TAMM41: variants seen among roughly 807,000 people sequenced by gnomAD.
TAMM41 encodes TAM41 mitochondrial translocator assembly and maintenance homolog.
A neutral mutation model predicts 44.1 loss-of-function variants in TAMM41; 36 were observed. The ratio of observed to expected loss-of-function variants is 0.82; its 90% CI spans 0.63 to 1.08. TAMM41 has a LOEUF of 1.08. TAMM41 is among the 50% of genes least tolerant of loss of function. TAMM41 has a pLI of 0.00. For missense variants in TAMM41, 417 were observed against 404.3 expected (o/e 1.03, Z -0.27); for synonymous variants, 164 against 153.1 (o/e 1.07, Z -0.53).
chr3:11,757,679 A>G, the TAMM41 span, among the ~76,000 whole-genome samples: 1 of 152,208 alleles, frequency 6.6e-6, no homozygotes, highest in African/African-American at 2.4e-5. Context: ...GCAAAATGAC[A>G]ACGCTTTGTA....
At chr3:11,769,162 C>T in the TAMM41 span, among the ~76,000 whole-genome samples, 54 of 152,128 alleles carry the variant, frequency 3.5e-4, no homozygotes, top group Non-Finnish European at 7.2e-4. Context: ...GATCTTGGCT[C>T]ACTGCAACCT....
chr3:11,812,158 C>G (rs1352584956), intron 5 of TAMM41, among the ~76,000 whole-genome samples: 3 of 151,982 alleles, frequency 2.0e-5, no homozygotes, highest in African/African-American at 7.3e-5. Context: ...GAACTCCTGG[C>G]CTCAACTGAT....
chr3:11,808,893 G>T (rs6442289), intron 6 of TAMM41: 84,837 of 153,338 alleles, frequency 0.55, 25,321 homozygotes, highest in East Asian at 0.76. Context: ...AGCTACTTTT[G>T]TAATTTTTGC....
At chr3:11,754,459 G>A in the TAMM41 span, among the ~76,000 whole-genome samples, 3 of 151,850 alleles carry the variant, frequency 2.0e-5, no homozygotes, top group Non-Finnish European at 4.4e-5. Flanking sequence ...CTGCAGCCTC[G>A]ACCTCCTGGA....
chr3:11,773,911 A>G, the TAMM41 span, among the ~76,000 whole-genome samples: 1 of 152,178 alleles, frequency 6.6e-6, no homozygotes, highest in African/African-American at 2.4e-5. Context: ...CAACATGGCG[A>G]AACCTCGTCT....
chr3:11,841,170 C>A (rs534588502), intron 2 of TAMM41, among the ~76,000 whole-genome samples: 126 of 142,776 alleles, frequency 8.8e-4, no homozygotes, highest in African/African-American at 3.2e-3. Context: ...ACAGCCCTAA[C>A]TCCCTGGGCT....
chr3:11,777,455 G>A, the TAMM41 span, among the ~76,000 whole-genome samples: 7 of 152,140 alleles, frequency 4.6e-5, no homozygotes, highest in African/African-American at 9.7e-5. Context: ...TAACAGCTTC[G>A]TTGAGATATA....
In TAMM41 at chr3:11,846,704, G is replaced by A. The variant is rs563362096; in HGVS notation, c.-68C>T. 7 of 1,604,756 alleles carry A rather than the reference G, an allele frequency of 4.4e-6. No individual in the cohort carries two copies. In the African/African-American group the frequency reaches 5.3e-5, roughly 12 times the overall value. ...GACAACCGGGCGGGGAACAGACACC[G>A]GGTAGGCGGTTTAGGGTGGGAAATG... On this transcript the variant is annotated 5_prime_UTR_variant, in exon 1 of 8. Transcript: ENST00000455809.
the TAMM41 span, among the ~76,000 whole-genome samples, chr3:11,732,744 A>G: frequency 6.6e-6 from 1 of 152,154 alleles, no homozygotes; most frequent in South Asian, 2.1e-4. Context: ...GCCACAATCT[A>G]GGGGAAAAAG....
At chr3:11,830,974 A>G (rs997503560) in intron 3 of TAMM41, 2 of 152,038 alleles carry the variant, frequency 1.3e-5, no homozygotes. Flanking sequence ...TCAAATGCCA[A>G]CTCCATCTCT....
chr3:11,803,221 G>A (rs2077804049), intron 7 of TAMM41, among the ~76,000 whole-genome samples: 1 of 152,270 alleles, frequency 6.6e-6, no homozygotes, highest in Admixed American at 6.5e-5. Flanking sequence ...GCTGCGAGCT[G>A]AGATTGCACC....
the TAMM41 span, among the ~76,000 whole-genome samples, chr3:11,747,387 T>G: frequency 8.5e-5 from 13 of 152,270 alleles, no homozygotes; most frequent in East Asian, 5.8e-4. Context: ...TCTAGACTGG[T>G]AGAAATAATT....
At chr3:11,809,924 T>C (rs963797748) in intron 5 of TAMM41, 3 of 369,936 alleles carry the variant, frequency 8.1e-6, no homozygotes, top group Non-Finnish European at 1.4e-5. Flanking sequence ...GAGAAAAGAA[T>C]AGAAGCCACT....
In TAMM41 at chr3:11,816,775, A is replaced by C. The variant is rs549113807; in HGVS notation, c.708+417T>G. The stretch of plus-strand genomic sequence containing the variant: ...GAACAGAGTCAGACCCTGTCCCCCC[A>C]AAAAAAGAAAAAAAAACAACAACAA... On this transcript the variant is annotated intron_variant, in intron 5 of 7. Coordinates refer to ENST00000455809, the MANE Select transcript of TAMM41 (RefSeq NM_001284401.2). 5.6e-3 allele frequency among the ~76,000 whole-genome samples: 852 copies of C among 151,610 alleles called. 5 individuals carry two copies. The highest frequency in any genetic ancestry group is 0.013 in the South Asian group (62 of 4,808).
chr3:11,735,218 C>T, the TAMM41 span, among the ~76,000 whole-genome samples: 1 of 151,614 alleles, frequency 6.6e-6, no homozygotes, highest in Admixed American at 6.6e-5. Flanking sequence ...ATCAGCCAGG[C>T]ATGGTGGTGC....
At chr3:11,822,084 C>T (rs1236183992) in intron 4 of TAMM41, among the ~76,000 whole-genome samples, 1 of 152,140 alleles carries the variant, frequency 6.6e-6, no homozygotes, top group Non-Finnish European at 1.5e-5. Flanking sequence ...TGCAAACATA[C>T]CAAAATCTGA....
chr3:11,812,295 C>G (rs1438448492), intron 5 of TAMM41, among the ~76,000 whole-genome samples: 1 of 152,142 alleles, frequency 6.6e-6, no homozygotes, highest in Non-Finnish European at 1.5e-5. Context: ...TGAGCACCAC[C>G]TGTAGACCTA....
chr3:11,801,098 G>GAAA (rs34203222), intron 7 of TAMM41, among the ~76,000 whole-genome samples: 2 of 123,228 alleles, frequency 1.6e-5, no homozygotes, highest in Non-Finnish European at 3.7e-5. Context: ...TCTCAAGAAA[G>GAAA]AAAAAAAAAA....
chr3:11,808,519 G>T lies in TAMM41; in HGVS notation c.875-624C>A, dbSNP rs530538322. ...TGCTGCAGCTCATCCACTGCAGTGC[G>T]ATGGTCTTTGCAAAGCATTACTGGA... On this transcript the variant is annotated intron_variant, in intron 6 of 7. Coordinates refer to ENST00000455809, the MANE Select transcript of TAMM41 (RefSeq NM_001284401.2). 12 of 985,694 alleles carry T rather than the reference G, an allele frequency of 1.2e-5. No homozygotes were observed. The South Asian group carries it at 4.7e-4, about 39-fold the overall frequency. 61.1% of individuals were successfully genotyped at this position (985,694 alleles called of 1,614,324 possible).
Sources: allele counts gnomAD v4.1 joint callset (sites outside exome capture counted in the v4.1 genomes callset), GRCh38; gene constraint gnomAD v4.1.1; transcripts MANE v1.5; gene names NCBI Gene and HGNC (gene_info 2026-07-23, HGNC 2026-07-21).